Variants in HIVEP3 observed in about 807,000 individuals in gnomAD.
HIVEP3 encodes the protein transcription factor HIVEP3.
Under a neutral mutation model 152.8 loss-of-function variants are expected in HIVEP3, and 49 were observed. The observed-to-expected ratio is 0.32, with a 90% CI of 0.26 to 0.41. HIVEP3 has a LOEUF of 0.41. Among genes scored for constraint, HIVEP3 ranks in the 10% least tolerant of loss-of-function variants. The pLI is 1.00. For synonymous variants in HIVEP3, 1,269 were observed against 1,289.0 expected, an observed-to-expected ratio of 0.98 and a Z score of 0.33; for missense variants, 2,790 against 3,103.3, an observed-to-expected ratio of 0.90 and a Z score of 2.40.
chr1:41,902,316 C>T (rs547042046), intron 1 of HIVEP3, among the ~76,000 whole-genome samples: 1 of 152,086 alleles, frequency 6.6e-6, no homozygotes, highest in Non-Finnish European at 1.5e-5. Context: ...GAAGAAATGT[C>T]CCCAGAGTGG....
chr1:41,608,610 C>T (rs1275622251), intron 3 of HIVEP3, among the ~76,000 whole-genome samples: 2 of 152,176 alleles, frequency 1.3e-5, no homozygotes, highest in South Asian at 2.1e-4. Flanking sequence ...TCTTCTGAGA[C>T]AAAAATCACT....
At chr1:41,913,845 T>C (rs1479277470) in intron 1 of HIVEP3, among the ~76,000 whole-genome samples, 1 of 152,226 alleles carries the variant, frequency 6.6e-6, no homozygotes, top group African/African-American at 2.4e-5. Context: ...TTTCTACTAT[T>C]TGTTTATTAG....
At position 41,756,507 on chromosome 1, in the gene HIVEP3, GC is replaced by G. The variant is rs1161981229; in HGVS notation, c.-800-55513del. On this transcript the variant is annotated intron_variant, in intron 1 of 8. Transcript: ENST00000372583. Reference sequence around the variant, plus strand: ...CTTATCCTAAGGTAATATTAAAAAGGCACCAAAGAGCCCTAGATCCCTGGAT... The same window carrying G: ...CTTATCCTAAGGTAATATTAAAAAGGACCAAAGAGCCCTAGATCCCTGGAT... Among the ~76,000 whole-genome samples the G allele has an allele frequency of 5.3e-5, 8 of 152,206 alleles. No homozygotes were observed. The South Asian group carries it at 1.7e-3, about 32-fold the overall frequency.
At chr1:41,911,798 C>G (rs889591525) in intron 1 of HIVEP3, among the ~76,000 whole-genome samples, 1 of 152,174 alleles carries the variant, frequency 6.6e-6, no homozygotes, top group African/African-American at 2.4e-5. Context: ...AGAGTCCAAT[C>G]AAATGAAGTC....
At chr1:41,896,722 G>A (rs910133549) in intron 1 of HIVEP3, among the ~76,000 whole-genome samples, 9 of 151,806 alleles carry the variant, frequency 5.9e-5, no homozygotes. Context: ...CCACAAGTGC[G>A]TGCCACCACA....
intron 3 of HIVEP3, among the ~76,000 whole-genome samples, chr1:41,617,878 A>T (rs1644991334): frequency 8.7e-6 from 1 of 114,444 alleles, no homozygotes; most frequent in African/African-American, 3.3e-5. Flanking sequence ...GCTTCTAAGC[A>T]TCTTTTAGTT....
chr1:41,937,071 G>T (rs1449957277), intron 1 of HIVEP3, among the ~76,000 whole-genome samples: 3 of 152,088 alleles, frequency 2.0e-5, no homozygotes, highest in African/African-American at 7.2e-5. Context: ...AAATAAAAGT[G>T]GTACCATTTA....
intron 2 of HIVEP3, among the ~76,000 whole-genome samples, chr1:41,672,550 T>C (rs1645893963): frequency 1.3e-5 from 2 of 152,224 alleles, no homozygotes; most frequent in Admixed American, 1.3e-4. Flanking sequence ...CACCTTGCTT[T>C]ATCCCCCAAC....
At chr1:41,562,601 T>TCTCTC in intron 5 of HIVEP3, among the ~76,000 whole-genome samples, 1 of 126,178 alleles carries the variant, frequency 7.9e-6, no homozygotes, top group African/African-American at 3.1e-5. Flanking sequence ...CTTCCTTTCT[T>TCTCTC]TCTCTCTCTC....
chr1:41,739,926 T>G (rs1646972159), intron 1 of HIVEP3, among the ~76,000 whole-genome samples: 1 of 152,098 alleles, frequency 6.6e-6, no homozygotes, highest in Non-Finnish European at 1.5e-5. Flanking sequence ...TTCCAAAGTG[T>G]TTTCACTGCC....
intron 6 of HIVEP3, among the ~76,000 whole-genome samples, chr1:41,523,986 A>G (rs1260755097): frequency 6.6e-6 from 1 of 152,194 alleles, no homozygotes; most frequent in Admixed American, 6.5e-5. Context: ...TCATGGACTC[A>G]GCTCCTTTGT....
At chr1:41,784,130 G>T (rs1017098112) in intron 1 of HIVEP3, among the ~76,000 whole-genome samples, 5 of 152,194 alleles carry the variant, frequency 3.3e-5, no homozygotes, top group Non-Finnish European at 7.3e-5. Flanking sequence ...GGGAGAGCAG[G>T]GTTCCTGGGG....
chr1:41,617,650 T>C (rs1282922038), intron 3 of HIVEP3, among the ~76,000 whole-genome samples: 1 of 152,206 alleles, frequency 6.6e-6, no homozygotes, highest in Admixed American at 6.5e-5. Flanking sequence ...ACAGGAGATA[T>C]CAACAGTGTT....
intron 5 of HIVEP3, among the ~76,000 whole-genome samples, chr1:41,527,002 C>T (rs370401699): frequency 8.2e-6 from 1 of 121,758 alleles, no homozygotes; most frequent in African/African-American, 3.2e-5. Context: ...CCTGCACTCA[C>T]ACTCGCTTAC....
At chr1:41,839,220 T>C (rs538070171) in intron 1 of HIVEP3, among the ~76,000 whole-genome samples, 1 of 152,290 alleles carries the variant, frequency 6.6e-6, no homozygotes, top group African/African-American at 2.4e-5. Context: ...GTCTCTGGCC[T>C]CCTTCTCCTC....
At chr1:41,814,105 C>T (rs893139059) in intron 1 of HIVEP3, among the ~76,000 whole-genome samples, 6 of 152,296 alleles carry the variant, frequency 3.9e-5, no homozygotes, top group South Asian at 2.1e-4. Flanking sequence ...CAAGGGAAAT[C>T]CCCAGAAGAC....
At chr1:41,721,421 G>C (rs1159329212) in intron 1 of HIVEP3, among the ~76,000 whole-genome samples, 1 of 152,080 alleles carries the variant, frequency 6.6e-6, no homozygotes, top group Non-Finnish European at 1.5e-5. Flanking sequence ...GGTCAGGCTG[G>C]TCTCGAACTC....
At chr1:41,612,632 G>T (rs1558115240) in intron 3 of HIVEP3, among the ~76,000 whole-genome samples, 1 of 152,224 alleles carries the variant, frequency 6.6e-6, no homozygotes, top group Non-Finnish European at 1.5e-5. Context: ...AGGATTCATG[G>T]TGTTCCCTGA....
chr1:41,693,913 T>G (rs1269331047), intron 2 of HIVEP3, among the ~76,000 whole-genome samples: 2 of 152,194 alleles, frequency 1.3e-5, no homozygotes, highest in Non-Finnish European at 1.5e-5. Context: ...CATCTCTAAT[T>G]ATCAATGCCA....
Sources: allele counts gnomAD v4.1 joint callset (sites outside exome capture counted in the v4.1 genomes callset), GRCh38; gene constraint gnomAD v4.1.1; transcripts MANE v1.5; gene names NCBI Gene and HGNC (gene_info 2026-07-23, HGNC 2026-07-21).